The following FBXL7 variants were observed in gnomAD, a reference collection of about 807,000 sequenced individuals.
FBXL7 encodes the protein F-box/LRR-repeat protein 7.
A neutral mutation model predicts 38.3 loss-of-function variants in FBXL7; 12 were observed. The observed-to-expected ratio is 0.31, with a 90% CI of 0.20 to 0.51. FBXL7 has a LOEUF of 0.51. Ranked by LOEUF, FBXL7 falls within the 20% of genes least tolerant of loss-of-function variation. The pLI, the probability that FBXL7 is intolerant of heterozygous loss-of-function variation, is 0.98. For missense variants in FBXL7, 567 were observed against 676.4 expected (o/e 0.84, Z 1.79); for synonymous variants, 297 against 300.9 (o/e 0.99, Z 0.13).
At chr5:15,505,244 G>T (rs188690645) in intron 1 of FBXL7, among the ~76,000 whole-genome samples, 1 of 152,116 alleles carries the variant, frequency 6.6e-6, no homozygotes, top group East Asian at 1.9e-4. Flanking sequence ...CTTCATCCTC[G>T]CAAGGATCTT....
intron 2 of FBXL7, among the ~76,000 whole-genome samples, chr5:15,699,272 T>A (rs543494896): frequency 1.3e-5 from 2 of 152,322 alleles, no homozygotes; most frequent in South Asian, 4.1e-4. Flanking sequence ...CTCACAGTTC[T>A]GGAGGCTAGA....
intron 2 of FBXL7, among the ~76,000 whole-genome samples, chr5:15,802,656 CTT>C (rs796900921): frequency 2.2e-4 from 31 of 144,182 alleles, no homozygotes; most frequent in Admixed American, 2.8e-4. Context: ...CCACATCATC[CTT>C]TTTTTTTTTT....
At chr5:15,730,542 T>C (rs183047450) in intron 2 of FBXL7, among the ~76,000 whole-genome samples, 2 of 152,296 alleles carry the variant, frequency 1.3e-5, no homozygotes, top group East Asian at 3.9e-4. Flanking sequence ...CAAAATATAT[T>C]GTTTTATTTA....
At chr5:15,690,244 G>T (rs1184158044) in intron 2 of FBXL7, among the ~76,000 whole-genome samples, 3 of 152,040 alleles carry the variant, frequency 2.0e-5, no homozygotes, top group Non-Finnish European at 4.4e-5. Context: ...AGTTTTATGG[G>T]TATAACCAAA....
At chr5:15,616,752 C>T (rs561966231) in intron 2 of FBXL7, among the ~76,000 whole-genome samples, 8 of 152,260 alleles carry the variant, frequency 5.3e-5, no homozygotes, top group African/African-American at 1.9e-4. Context: ...GGAAAGTTGA[C>T]CCAATTATAG....
At chr5:15,868,724 G>A (rs983711042) in intron 2 of FBXL7, among the ~76,000 whole-genome samples, 1 of 152,098 alleles carries the variant, frequency 6.6e-6, no homozygotes, top group African/African-American at 2.4e-5. Context: ...ATGTCTACAT[G>A]ACACAATCTC....
At chr5:15,808,967 A>T (rs1483556743) in intron 2 of FBXL7, among the ~76,000 whole-genome samples, 2 of 152,136 alleles carry the variant, frequency 1.3e-5, no homozygotes. Flanking sequence ...TTATCCAACA[A>T]ACCATCCAAA....
At chr5:15,776,503 C>G (rs138571330) in intron 2 of FBXL7, among the ~76,000 whole-genome samples, 1 of 152,154 alleles carries the variant, frequency 6.6e-6, no homozygotes, top group South Asian at 2.1e-4. Context: ...AGGGCTTTTG[C>G]CAGCTTCCCC....
intron 2 of FBXL7, among the ~76,000 whole-genome samples, chr5:15,810,048 T>A (rs564452014): frequency 1.3e-5 from 2 of 152,206 alleles, no homozygotes; most frequent in Non-Finnish European, 2.9e-5. Flanking sequence ...TTTGGTGGGG[T>A]ATTCATTTCT....
rs761613540 is a variant in FBXL7 at position 15,936,904 on chromosome 5, C to T, written c.1194C>T (p.Ala398=). 1.2e-6 allele frequency: 2 copies of T among 1,614,056 alleles called. No homozygotes were observed. The highest frequency in any genetic ancestry group is 1.7e-5 in the Admixed American group (1 of 60,036). ...CGGACCACGGTGTGGAGTACCTCGC[C>T]AAGAACTGCACCAAACTCAAATCCC... ...GITDHGVEYL[A]KNCTKLKSLD... is the part of the protein sequence containing the mutation. The change falls in exon 4 of 4, where the codon GCC becomes GCT. Residue 398 remains alanine (A), a synonymous_variant. Coordinates refer to ENST00000504595, the MANE Select transcript of FBXL7 (RefSeq NM_012304.5). This position sits in a 1 kb window ranked among gnomAD's most constrained non-coding sequence, Gnocchi z 6.0.
At chr5:15,733,373 G>A (rs1735664299) in intron 2 of FBXL7, among the ~76,000 whole-genome samples, 2 of 75,488 alleles carry the variant, frequency 2.6e-5, no homozygotes, top group Non-Finnish European at 5.9e-5. Flanking sequence ...TTACAGGCGT[G>A]AGCCACCGCC....
At chr5:15,629,018 A>T (rs186712412) in intron 2 of FBXL7, among the ~76,000 whole-genome samples, 4 of 152,102 alleles carry the variant, frequency 2.6e-5, no homozygotes, top group Admixed American at 6.6e-5. Flanking sequence ...TGGCTCATGC[A>T]TGTAATCTGT....
At chr5:15,647,815 C>A (rs1741578272) in intron 2 of FBXL7, among the ~76,000 whole-genome samples, 1 of 152,200 alleles carries the variant, frequency 6.6e-6, no homozygotes, top group African/African-American at 2.4e-5. Flanking sequence ...AATAGTTTCT[C>A]ATTTTACAGA....
intron 2 of FBXL7, among the ~76,000 whole-genome samples, chr5:15,781,616 G>A (rs1317992800): frequency 2.0e-5 from 3 of 152,136 alleles, no homozygotes; most frequent in Non-Finnish European, 4.4e-5. Context: ...TCAAGTGGCT[G>A]CCTCTGGGGA....
At chr5:15,552,865 C>G (rs1046853390) in intron 1 of FBXL7, among the ~76,000 whole-genome samples, 1 of 152,122 alleles carries the variant, frequency 6.6e-6, no homozygotes, top group Non-Finnish European at 1.5e-5. Flanking sequence ...GGGAAGATCA[C>G]GAGGTCAAGA....
At chr5:15,906,434 G>T (rs1288838380) in intron 2 of FBXL7, among the ~76,000 whole-genome samples, 1 of 74,968 alleles carries the variant, frequency 1.3e-5, no homozygotes, top group Non-Finnish European at 2.6e-5. Context: ...TGACCTAGAA[G>T]GATTTTTTTT....
chr5:15,572,467 G>C (rs1444081781), intron 1 of FBXL7, among the ~76,000 whole-genome samples: 1 of 151,140 alleles, frequency 6.6e-6, no homozygotes, highest in African/African-American at 2.4e-5. Flanking sequence ...GCCGAAAGGT[G>C]TACTGCCCTC....
Position 15,936,464 on chromosome 5 carries a change from ACCTGCATCAGCTTGACCCGGGAGG to A in FBXL7, c.758_781del (p.Cys253_Ala260del). 6.2e-7 allele frequency: 1 copy of A among 1,612,886 alleles called. No homozygotes were observed. The highest frequency in any genetic ancestry group is 2.2e-5 in the East Asian group (1 of 44,860). ...TCTTTGTGCAGGATGCTCCAAAGTG[ACCTGCATCAGCTTGACCCGGGAGG>A]CCTCCATTAAACTGTCACCCTTGCA... On this transcript the variant is annotated inframe_deletion, in exon 4 of 4. Coordinates refer to ENST00000504595, the MANE Select transcript of FBXL7 (RefSeq NM_012304.5). The surrounding 1 kb of genome is among the most constrained non-coding windows in gnomAD (Gnocchi z 6.0).
chr5:15,860,035 T>C (rs1428209185), intron 2 of FBXL7, among the ~76,000 whole-genome samples: 1 of 152,174 alleles, frequency 6.6e-6, no homozygotes, highest in Non-Finnish European at 1.5e-5. Context: ...TTGCAGACAG[T>C]TGTAAATATT....
Sources: allele counts gnomAD v4.1 joint callset (sites outside exome capture counted in the v4.1 genomes callset), GRCh38; gene constraint gnomAD v4.1.1; non-coding constraint Gnocchi (gnomAD v3.1); transcripts MANE v1.5; gene names NCBI Gene and HGNC (gene_info 2026-07-23, HGNC 2026-07-21).